Variants in RBPJL observed in about 807,000 individuals in gnomAD.
RBPJL encodes the protein recombining binding protein suppressor of hairless-like protein.
A neutral mutation model predicts 57.6 loss-of-function variants in RBPJL; 50 were observed. The observed-to-expected ratio is 0.87, with a 90% CI of 0.69 to 1.10. RBPJL has a LOEUF of 1.10. RBPJL is among the 50% of genes least tolerant of loss of function. RBPJL has a pLI of 0.00. For synonymous variants in RBPJL, 303 were observed against 294.4 expected (o/e 1.03, Z -0.30); for missense variants, 684 against 693.7 (o/e 0.99, Z 0.16).
Position 45,309,700 on chromosome 20 carries a change from C to T in RBPJL, c.257+8C>T, listed in dbSNP as rs878867666. 1 of 1,613,262 alleles carries T rather than the reference C, an allele frequency of 6.2e-7. No homozygotes were observed. ...ATACGGAAATGAGAAGCGGTAGGTG[C>T]CTCCGCAGCCCCTCCCAGGTCTCTG... On this transcript the variant is annotated splice_region_variant and intron_variant, in intron 3 of 11. Coordinates refer to ENST00000343694, the MANE Select transcript of RBPJL (RefSeq NM_014276.4).
At chr20:45,316,095 G>T in intron 9 of RBPJL, 92 bp from the exon 10 acceptor site, 1 of 1,281,204 alleles carries the variant, frequency 7.8e-7, no homozygotes. Context: ...ATCCAGTTCG[G>T]TCTAACGCAG....
At chr20:45,312,722 G>C (rs1987247233) in intron 6 of RBPJL, among the ~76,000 whole-genome samples, 1 of 151,836 alleles carries the variant, frequency 6.6e-6, no homozygotes. Context: ...GGGCACGGTG[G>C]CTCATGCCTG....
At chr20:45,309,416 C>A (rs1435475353) in intron 2 of RBPJL, 151 bp from the exon 3 acceptor site, 5 of 733,378 alleles carry the variant, frequency 6.8e-6, no homozygotes, top group African/African-American at 1.9e-5. Flanking sequence ...CTCTTCCTGA[C>A]CCCACAGGGG....
Position 45,313,511 on chromosome 20 carries a change from G to T in RBPJL, c.663G>T (p.Leu221=), listed in dbSNP as rs1987300756. The change falls in exon 7 of 12, where the codon CTG becomes CTT. Residue 221 remains leucine (L), a synonymous_variant. Coordinates refer to ENST00000343694, the MANE Select transcript of RBPJL (RefSeq NM_014276.4). ...SGSKVSLFNR[L]RSQTVSTRYL... ...CAAAGGTCTCCCTCTTCAACCGCCT[G>T]CGCTCTCAGACGGTCTCCACACGCT... 6.2e-7 allele frequency: 1 copy of T among 1,614,030 alleles called. No individual in the cohort carries two copies. Among genetic ancestry groups the T allele is most frequent in the Admixed American group, 1.7e-5 (1 of 60,012 alleles).
intron 5 of RBPJL, 45 bp from the exon 6 acceptor site, chr20:45,312,176 G>A: frequency 6.2e-7 from 1 of 1,613,092 alleles, no homozygotes; most frequent in East Asian, 2.2e-5. Context: ...TCATCCGACG[G>A]GGGAGGGCTG....
At position 45,316,778 on chromosome 20, in the gene RBPJL, G is replaced by A. The variant is rs1192037194; in HGVS notation, c.1373G>A (p.Ser458Asn). The A allele has an allele frequency of 1.9e-6, 3 of 1,613,870 alleles. No individual in the cohort carries two copies. The highest frequency in any genetic ancestry group is 4.5e-5 in the East Asian group (2 of 44,856). Residue 458 changes from serine (S) to asparagine (N), a missense_variant, in exon 12 of 12, where the codon AGC becomes AAC. By Grantham distance (46) the Ser-to-Asn change is conservative. Transcript: ENST00000343694. ...WLRAPITIPM[S>N]LVRADGLFYP... ...CGCGCTCCCATCACAATCCCCATGA[G>A]CCTGGTGCGCGCCGACGGGCTCTTC...
chr20:45,313,369 C>T (rs1025874597), intron 6 of RBPJL, 99 bp from the exon 7 acceptor site: 2 of 971,710 alleles, frequency 2.1e-6, no homozygotes, highest in African/African-American at 3.3e-5. Flanking sequence ...TCACCCTAAC[C>T]CTCACCCTAA....
chr20:45,313,433 C>T, intron 6 of RBPJL, 35 bp from the exon 7 acceptor site: 1 of 1,564,046 alleles, frequency 6.4e-7, no homozygotes, highest in Non-Finnish European at 8.7e-7. Flanking sequence ...CCCTGACCCT[C>T]ACCCTCACCC....
intron 1 of RBPJL, 128 bp from the exon 2 acceptor site, chr20:45,308,015 T>C (rs557350520): frequency 1.6e-6 from 1 of 620,260 alleles, no homozygotes; most frequent in Non-Finnish European, 2.9e-6. Flanking sequence ...GCTTTGAGGG[T>C]GGGGGCTCGA....
chr20:45,317,004 G>A lies in RBPJL; in HGVS notation c.*45G>A. 1.3e-6 allele frequency: 2 copies of A among 1,570,670 alleles called. No homozygotes were observed. The highest frequency in any genetic ancestry group is 1.7e-6 in the Non-Finnish European group (2 of 1,157,982). ...CTGCCCACCCTGGAGGGCTGCGCCC[G>A]CGCCAGGCGCGGGGACGTGTTTCTG... On this transcript the variant is annotated 3_prime_UTR_variant, in exon 12 of 12. Coordinates refer to ENST00000343694, the MANE Select transcript of RBPJL (RefSeq NM_014276.4).
intron 2 of RBPJL, 57 bp downstream of exon 2, chr20:45,308,308 C>G: frequency 5.0e-6 from 6 of 1,191,946 alleles, no homozygotes; most frequent in South Asian, 4.9e-5. Context: ...CTGGAGCACA[C>G]AGAGGCAACG....
rs533048393 is a variant in RBPJL at position 45,313,949 on chromosome 20, G to T, written c.758-86G>T. On this transcript the variant is annotated intron_variant, in intron 7 of 11. Coordinates refer to ENST00000343694, the MANE Select transcript of RBPJL (RefSeq NM_014276.4). The stretch of plus-strand genomic sequence containing the variant: ...CCGCAGGGCCCATGTGTGATGTGAG[G>T]AAGAGCCAGAGGCAACAAGGCAGGG... 16 of 946,006 alleles carry T rather than the reference G, an allele frequency of 1.7e-5. No homozygotes were observed. The African/African-American group carries it at 1.8e-4, about 10-fold the overall frequency. The allele number at this position is 946,006 out of a possible 1,614,324, so 58.6% of individuals were successfully genotyped here.
Position 45,314,579 on chromosome 20 carries a change from A to G in RBPJL, c.1020+14A>G. On this transcript the variant is annotated intron_variant, in intron 9 of 11. Coordinates refer to ENST00000343694, the MANE Select transcript of RBPJL (RefSeq NM_014276.4). The stretch of plus-strand genomic sequence containing the variant: ...GTGCAATTTCAGGTAAGAAGCAGAG[A>G]ATACCAGCACCAAGTGTCCTGGAAA... 6.2e-7 allele frequency: 1 copy of G among 1,609,692 alleles called. No homozygotes were observed. Among genetic ancestry groups the G allele is most frequent in the Non-Finnish European group, 8.5e-7 (1 of 1,176,666 alleles).
rs1165128212 is a variant in RBPJL, at chr20:45,314,247, C to T, written c.867+103C>T. On this transcript the variant is annotated intron_variant, in intron 8 of 11. Transcript: ENST00000343694. ...AGAGTGAGGCCCCAAGGCATGGAGA[C>T]ACCTGTTCTCACCCAGTGTCGCGTA... 27 of 1,226,432 alleles carry T rather than the reference C, an allele frequency of 2.2e-5. No homozygotes were observed. In the Admixed American group the frequency reaches 4.3e-4, roughly 19 times the overall value. 76.0% of individuals were successfully genotyped at this position (1,226,432 alleles called of 1,614,324 possible). A position where few individuals can be genotyped will look rare whatever the true frequency, so the allele number is the denominator to read the frequency against.
chr20:45,316,133 C>A, intron 9 of RBPJL, 54 bp from the exon 10 acceptor site: 1 of 1,578,558 alleles, frequency 6.3e-7, no homozygotes, highest in South Asian at 1.1e-5. Flanking sequence ...TGGCTCCCTA[C>A]ACTGGTGGCC....
chr20:45,315,244 G>A (rs1172239249), intron 9 of RBPJL, among the ~76,000 whole-genome samples: 4 of 152,096 alleles, frequency 2.6e-5, no homozygotes, highest in African/African-American at 9.7e-5. Context: ...AATAATTATC[G>A]TTAAGCAGTA....
chr20:45,316,073 C>T (rs1217583950), intron 9 of RBPJL, 114 bp from the exon 10 acceptor site: 1 of 981,136 alleles, frequency 1.0e-6, no homozygotes, highest in Non-Finnish European at 1.5e-6. Flanking sequence ...AACCCCAGAG[C>T]CTAGGATTAG....
At chr20:45,307,295 C>G (rs1568884298) in intron 1 of RBPJL, among the ~76,000 whole-genome samples, 1 of 152,180 alleles carries the variant, frequency 6.6e-6, no homozygotes, top group Non-Finnish European at 1.5e-5. Context: ...CGTGAATGCG[C>G]CTATTCTGAG....
intron 6 of RBPJL, 68 bp from the exon 7 acceptor site, chr20:45,313,400 C>T (rs1386196911): frequency 1.8e-5 from 25 of 1,384,944 alleles, no homozygotes; most frequent in Non-Finnish European, 2.5e-5. Context: ...AATCCTAACC[C>T]TAACCCTATC....
Sources: gnomAD v4.1 joint callset for allele counts (sites outside exome capture counted in the v4.1 genomes callset) on GRCh38, gnomAD v4.1.1 for gene constraint, MANE v1.5 for transcripts, NCBI Gene and HGNC (gene_info 2026-07-23, HGNC 2026-07-21) for gene names.